Variants in CFAP161 observed in about 807,000 individuals in gnomAD.
The protein encoded by CFAP161 is cilia and flagella associated protein 161, also known as cilia- and flagella-associated protein 161.
CFAP161 carries 25 observed loss-of-function variants against 29.0 expected under a neutral mutation model. That is an observed-to-expected ratio of 0.86 (90% CI 0.63 to 1.20). The LOEUF (loss-of-function observed/expected upper bound fraction) is 1.20. CFAP161 is among the 50% of genes most tolerant of loss of function. The pLI is 0.00. For missense variants in CFAP161, 367 were observed against 371.9 expected, an observed-to-expected ratio of 0.99 and a Z score of 0.11; for synonymous variants, 116 against 137.4, an observed-to-expected ratio of 0.84 and a Z score of 1.09.
At chr15:81,124,508 A>G (rs536310593) in intron 1 of CFAP161, among the ~76,000 whole-genome samples, 5 of 152,172 alleles carry the variant, frequency 3.3e-5, no homozygotes, top group Non-Finnish European at 7.3e-5. Context: ...TTTTGGTATC[A>G]GGATGATGCT....
upstream of CFAP161, among the ~76,000 whole-genome samples, chr15:81,132,159 C>T (rs1216806549): frequency 6.6e-6 from 1 of 152,024 alleles, no homozygotes; most frequent in Non-Finnish European, 1.5e-5. Context: ...TGCCTTTAGC[C>T]CCAGGTACTC....
At chr15:81,127,006 C>T (rs183270070) in intron 1 of CFAP161, among the ~76,000 whole-genome samples, 123 of 152,290 alleles carry the variant, frequency 8.1e-4, no homozygotes, top group Admixed American at 1.3e-3. Context: ...ACCGTTCGAA[C>T]TCTGAATTTT....
chr15:81,120,893 A>G (rs924303649), intron 1 of CFAP161, among the ~76,000 whole-genome samples: 6 of 152,216 alleles, frequency 3.9e-5, no homozygotes, highest in African/African-American at 9.6e-5. Flanking sequence ...TGAAATAGAA[A>G]CTGTCTGTAG....
intron 1 of CFAP161, among the ~76,000 whole-genome samples, chr15:81,101,343 A>C (rs1001541696): frequency 1.3e-5 from 2 of 151,720 alleles, no homozygotes; most frequent in African/African-American, 4.8e-5. Context: ...CCTGGCCAAC[A>C]TGGTGAAACC....
Position 81,135,267 on chromosome 15 carries a change from T to C in CFAP161, c.70-3T>C. 6.3e-7 allele frequency: 1 copy of C among 1,580,998 alleles called. No homozygotes were observed. The highest frequency in any genetic ancestry group is 8.6e-7 in the Non-Finnish European group (1 of 1,165,492). On this transcript the variant is annotated splice_polypyrimidine_tract_variant and splice_region_variant and intron_variant, in intron 1 of 6. Transcript: ENST00000286732. Reference sequence around the variant, plus strand: ...GGGCTACTTTTGTTGATTTTCTGTTTAGGAGCTCATGAAAGACTTCTTAGA... The same window carrying C: ...GGGCTACTTTTGTTGATTTTCTGTTCAGGAGCTCATGAAAGACTTCTTAGA...
chr15:81,103,842 G>C (rs764431205), intron 1 of CFAP161, among the ~76,000 whole-genome samples: 8 of 152,162 alleles, frequency 5.3e-5, no homozygotes, highest in Non-Finnish European at 1.2e-4. Context: ...CATGGGTTCT[G>C]ACACTATCTC....
At chr15:81,129,142 A>T (rs1340786714) in intron 2 of CFAP161, among the ~76,000 whole-genome samples, 1 of 147,240 alleles carries the variant, frequency 6.8e-6, no homozygotes, top group Non-Finnish European at 1.5e-5. Flanking sequence ...TTTGAAAGAA[A>T]TCTTTTTTTT....
intron 1 of CFAP161, among the ~76,000 whole-genome samples, chr15:81,126,198 T>C (rs1413767801): frequency 6.6e-6 from 1 of 152,206 alleles, no homozygotes; most frequent in Non-Finnish European, 1.5e-5. Flanking sequence ...GAAAGTGAGA[T>C]CCAAATTATA....
intron 1 of CFAP161, 103 bp downstream of exon 1, chr15:81,134,501 C>A: frequency 8.5e-7 from 1 of 1,170,834 alleles, no homozygotes; most frequent in Non-Finnish European, 1.2e-6. Context: ...CCTCTCTCTC[C>A]CAGCATACAG....
chr15:81,147,892 C>T lies in CFAP161; in HGVS notation c.671C>T (p.Thr224Ile), dbSNP rs369004350. ...AAAATTCTCATCAATCACTGTCACA[C>T]AAATCGGGGACTGGCAGCCCACCGG... ...NAKILINHCH[T>I]NRGLAAHRHL... Residue 224 changes from threonine to isoleucine, a missense_variant, in exon 6 of 7, where the codon ACA (threonine) becomes ATA (isoleucine). Transcript: ENST00000286732. The T allele has an allele frequency of 6.2e-7, 1 of 1,611,688 alleles. No homozygotes were observed. Among genetic ancestry groups the T allele is most frequent in the African/African-American group, 1.3e-5 (1 of 74,758 alleles).
At chr15:81,116,218 G>A (rs1894495561) in intron 1 of CFAP161, among the ~76,000 whole-genome samples, 1 of 152,134 alleles carries the variant, frequency 6.6e-6, no homozygotes, top group African/African-American at 2.4e-5. Context: ...CACTTGCCAA[G>A]TGAAAAAGGT....
chr15:81,117,668 C>A, intron 1 of CFAP161: 1 of 280,158 alleles, frequency 3.6e-6, no homozygotes. Flanking sequence ...TTTCTCTCTT[C>A]CTGTTTTCAC....
chr15:81,131,616 C>A (rs1315814535), upstream of CFAP161, among the ~76,000 whole-genome samples: 3 of 151,816 alleles, frequency 2.0e-5, no homozygotes, highest in Non-Finnish European at 4.4e-5. Flanking sequence ...GAAGACAAAT[C>A]AATAGAAATT....
intron 1 of CFAP161, among the ~76,000 whole-genome samples, chr15:81,100,937 T>C (rs1326643257): frequency 1.3e-5 from 2 of 152,178 alleles, no homozygotes; most frequent in Admixed American, 6.5e-5. Flanking sequence ...GGCTGGCTGG[T>C]TAAGTCTGTG....
Position 81,116,614 on chromosome 15 carries a change from A to G in CFAP161, c.-141-10976A>G, listed in dbSNP as rs150992932. ...GCCTGGCCTGGAGTCTTATTTCAAC[A>G]TCTTGGGAAAAGCTGTTTATGGTGT... On this transcript the variant is annotated intron_variant, in intron 1 of 4. Coordinates refer to the CFAP161 transcript ENST00000560091. Among the ~76,000 whole-genome samples the G allele has an allele frequency of 2.1e-3, 315 of 152,274 alleles. 5 individuals are homozygous for G. The highest frequency in any genetic ancestry group is 7.2e-3 in the African/African-American group (298 of 41,562).
At chr15:81,146,864 A>C in intron 5 of CFAP161, among the ~76,000 whole-genome samples, 1 of 113,096 alleles carries the variant, frequency 8.8e-6, no homozygotes, top group Middle Eastern at 4.1e-3. Flanking sequence ...ATATATATAT[A>C]TATATATATA....
chr15:81,114,605 T>C (rs1894473967), intron 1 of CFAP161, among the ~76,000 whole-genome samples: 1 of 152,220 alleles, frequency 6.6e-6, no homozygotes, highest in Admixed American at 6.5e-5. Flanking sequence ...GCAATGGGAA[T>C]ATGCATGTCA....
At chr15:81,123,884 A>G (rs1894606619) in intron 1 of CFAP161, among the ~76,000 whole-genome samples, 1 of 152,148 alleles carries the variant, frequency 6.6e-6, no homozygotes, top group South Asian at 2.1e-4. Flanking sequence ...TTGCACATTG[A>G]TTTTGTGTCC....
chr15:81,139,710 A>C (rs1038376235), intron 4 of CFAP161, among the ~76,000 whole-genome samples: 2 of 152,150 alleles, frequency 1.3e-5, no homozygotes, highest in Non-Finnish European at 2.9e-5. Flanking sequence ...AAATGCTTAA[A>C]TCTTCCCCTC....
Sources: allele counts gnomAD v4.1 joint callset (sites outside exome capture counted in the v4.1 genomes callset), GRCh38; gene constraint gnomAD v4.1.1; transcripts MANE v1.5; gene names NCBI Gene and HGNC (gene_info 2026-07-23, HGNC 2026-07-21).